PTTG1IP2: variants seen among roughly 807,000 people sequenced by gnomAD.
PTTG1IP2 encodes PTTG1IP family member 2.
intron 1 of PTTG1IP2, among the ~76,000 whole-genome samples, chr7:90,477,309 A>G (rs1295076129): frequency 2.0e-5 from 3 of 152,214 alleles, no homozygotes; most frequent in Admixed American, 1.3e-4. Context: ...TGATTCATGT[A>G]ACACATAGGT....
intron 1 of PTTG1IP2, among the ~76,000 whole-genome samples, chr7:90,478,481 T>C (rs981984134): frequency 2.0e-5 from 3 of 152,158 alleles, no homozygotes; most frequent in Admixed American, 6.5e-5. Context: ...TAAAATTTTT[T>C]CCCCAGCCAC....
chr7:90,491,904 G>A (rs1177289560), intron 4 of PTTG1IP2, among the ~76,000 whole-genome samples: 1 of 152,074 alleles, frequency 6.6e-6, no homozygotes, highest in Non-Finnish European at 1.5e-5. Context: ...GCCGAAGTGG[G>A]TGGATCACTT....
At chr7:90,511,050 A>G (rs1798184295) in intron 6 of PTTG1IP2, among the ~76,000 whole-genome samples, 1 of 151,600 alleles carries the variant, frequency 6.6e-6, no homozygotes, top group Non-Finnish European at 1.5e-5. Context: ...CTGTGACAAT[A>G]CAAGCCCCTT....
chr7:90,493,156 G>A (rs1008338223), intron 5 of PTTG1IP2, among the ~76,000 whole-genome samples: 17 of 152,086 alleles, frequency 1.1e-4, no homozygotes, highest in Non-Finnish European at 2.4e-4. Flanking sequence ...GGGTGCGGGG[G>A]GGCTTCAGAT....
At chr7:90,493,941 G>A (rs1231265836) in intron 5 of PTTG1IP2, among the ~76,000 whole-genome samples, 1 of 152,198 alleles carries the variant, frequency 6.6e-6, no homozygotes, top group Non-Finnish European at 1.5e-5. Flanking sequence ...AAAATATGGA[G>A]CCTATAAAAT....
At chr7:90,509,972 T>A (rs1352336101) in intron 6 of PTTG1IP2, among the ~76,000 whole-genome samples, 1 of 152,234 alleles carries the variant, frequency 6.6e-6, no homozygotes, top group East Asian at 1.9e-4. Flanking sequence ...AAATAGATTG[T>A]AGCTTTCCAA....
chr7:90,471,203 G>C (rs950182030), intron 1 of PTTG1IP2, among the ~76,000 whole-genome samples: 1 of 152,042 alleles, frequency 6.6e-6, no homozygotes, highest in African/African-American at 2.4e-5. Flanking sequence ...CATCTAACAA[G>C]GATATGGTTT....
intron 2 of PTTG1IP2, among the ~76,000 whole-genome samples, chr7:90,481,983 G>C (rs944850268): frequency 6.6e-6 from 1 of 152,050 alleles, no homozygotes; most frequent in Non-Finnish European, 1.5e-5. Flanking sequence ...GAAATACTGG[G>C]AATATGTGTA....
intron 6 of PTTG1IP2, among the ~76,000 whole-genome samples, chr7:90,508,585 A>G (rs1798152022): frequency 6.6e-6 from 1 of 152,240 alleles, no homozygotes; most frequent in Non-Finnish European, 1.5e-5. Flanking sequence ...CACTTACAGT[A>G]TAAGGAACAG....
At chr7:90,507,288 G>A (rs548091613) in intron 6 of PTTG1IP2, among the ~76,000 whole-genome samples, 1 of 152,274 alleles carries the variant, frequency 6.6e-6, no homozygotes, top group Admixed American at 6.5e-5. Context: ...TAAGGGCAAT[G>A]CATTTTTCTC....
chr7:90,507,100 C>G (rs1343808977), intron 6 of PTTG1IP2, among the ~76,000 whole-genome samples: 2 of 152,092 alleles, frequency 1.3e-5, no homozygotes, highest in Admixed American at 6.5e-5. Context: ...CTTGGGAGGA[C>G]CAGCACTTGT....
chr7:90,495,415 T>C (rs1797981756), intron 6 of PTTG1IP2, among the ~76,000 whole-genome samples: 1 of 152,226 alleles, frequency 6.6e-6, no homozygotes, highest in Admixed American at 6.5e-5. Flanking sequence ...GATGGACAGC[T>C]AGGGACTATC....
rs1797660366 is a variant in PTTG1IP2, at chr7:90,469,817, C to T, written c.31C>T (p.Leu11Phe). 2.0e-5 allele frequency: 3 copies of T among 152,852 alleles called. No homozygotes were observed. The highest frequency in any genetic ancestry group is 1.3e-4 in the Admixed American group (2 of 15,282). The allele number at this position is 152,852 out of a possible 1,614,324, so 9.5% of individuals were successfully genotyped here. Residue 11 changes from leucine (L) to phenylalanine (F), a missense_variant, in exon 1 of 7, where the codon CTC (leucine) becomes TTC (phenylalanine). Physicochemically the swap from Leu to Phe is conservative, Grantham distance 22. Transcript: ENST00000509356. The stretch of plus-strand genomic sequence containing the variant: ...CTGGCTGCGGGCATGGGGCCAGATC[C>T]TCCTGCCAGTTTTCCTCTCCCTCTT... MCWLRAWGQILLPVFLSLFLI... is the reference protein window; with the variant it reads MCWLRAWGQIFLPVFLSLFLI...
chr7:90,479,025 G>T (rs568309415), intron 1 of PTTG1IP2, among the ~76,000 whole-genome samples: 1 of 152,070 alleles, frequency 6.6e-6, no homozygotes, highest in African/African-American at 2.4e-5. Flanking sequence ...GTTTTTCCAA[G>T]AAATAGGAGA....
intron 1 of PTTG1IP2, among the ~76,000 whole-genome samples, chr7:90,472,301 CA>C (rs1433841517): frequency 2.5e-4 from 36 of 146,884 alleles, no homozygotes; most frequent in East Asian, 9.7e-4. Flanking sequence ...CACACACACA[CA>C]CACACACACA....
intron 4 of PTTG1IP2, among the ~76,000 whole-genome samples, chr7:90,489,681 A>C (rs546382902): frequency 6.6e-6 from 1 of 152,026 alleles, no homozygotes; most frequent in Non-Finnish European, 1.5e-5. Context: ...AAATTTGTTA[A>C]CTACTAAAAA....
At chr7:90,472,217 G>A (rs1382140630) in intron 1 of PTTG1IP2, among the ~76,000 whole-genome samples, 5 of 151,664 alleles carry the variant, frequency 3.3e-5, no homozygotes, top group South Asian at 2.1e-4. Context: ...GAAAACAATA[G>A]AGCAACTATG....
At chr7:90,497,713 TATAAAAA>T (rs1488213652) in intron 6 of PTTG1IP2, among the ~76,000 whole-genome samples, 59 of 49,592 alleles carry the variant, frequency 1.2e-3, no homozygotes, top group African/African-American at 5.3e-3. Flanking sequence ...AAAGACCCTG[TATAAAAA>T]AAAAAAAAAA....
intron 1 of PTTG1IP2, among the ~76,000 whole-genome samples, chr7:90,472,022 C>T (rs560627224): frequency 4.5e-4 from 69 of 152,254 alleles, no homozygotes; most frequent in Admixed American, 1.4e-3. Flanking sequence ...CCTGGCACAG[C>T]CTCATTTGAG....
Sources: gnomAD v4.1 joint callset for allele counts (sites outside exome capture counted in the v4.1 genomes callset) on GRCh38, gnomAD v4.1.1 for gene constraint, MANE v1.5 for transcripts, NCBI Gene and HGNC (gene_info 2026-07-23, HGNC 2026-07-21) for gene names.